The following CUX1 variants were observed in gnomAD, a reference collection of about 807,000 sequenced individuals.
CUX1 encodes the protein cut like homeobox 1.
A neutral mutation model predicts 158.8 loss-of-function variants in CUX1; 31 were observed. The observed-to-expected ratio is 0.20, with a 90% confidence interval of 0.15 to 0.26. The LOEUF (loss-of-function observed/expected upper bound fraction) is 0.26, where lower values mean the gene tolerates loss of function less well. Ranked by LOEUF, CUX1 falls within the 10% of genes least tolerant of loss-of-function variation. The pLI is 1.00. For missense variants in CUX1, 1,589 were observed against 2,014.6 expected (o/e 0.79, Z 4.04); for synonymous variants, 879 against 862.1 (o/e 1.02, Z -0.34).
chr7:101,836,684 CA>C (rs71755816), intron 1 of CUX1, among the ~76,000 whole-genome samples: 1,449 of 77,798 alleles, frequency 0.019, 12 homozygotes, highest in Non-Finnish European at 0.026. Flanking sequence ...GACTCCTTCT[CA>C]AAAAAAAAAA....
At position 102,227,533 on chromosome 7, in the gene CUX1, C is replaced by A. The variant is rs1554529039; in HGVS notation, c.3297C>A (p.Asp1099Glu). ...AGCCCAGTGACCCGCCAGCATCCGA[C>A]TCCCAGCCCACAACCCCGCTGCCTC... ...PPEPSDPPAS[D>E]SQPTTPLPLS... The change falls in exon 21 of 24, where the codon GAC (aspartate) becomes GAA (glutamate). Residue 1099 changes from aspartate (D) to glutamate (E), a missense_variant. Physicochemically the swap from Asp to Glu is conservative, Grantham distance 45. Around this residue, in one of 8 missense-constraint regions of CUX1, gnomAD observed 259 missense variants for 373.8 expected, o/e 0.69. Transcript: ENST00000292535. The A allele has an allele frequency of 6.2e-7, 1 of 1,614,180 alleles. No homozygotes were observed. Among genetic ancestry groups the A allele is most frequent in the Admixed American group, 1.7e-5 (1 of 60,016 alleles).
chr7:102,024,419 G>A (rs550755676), intron 2 of CUX1, among the ~76,000 whole-genome samples: 1 of 152,154 alleles, frequency 6.6e-6, no homozygotes, highest in South Asian at 2.1e-4. Context: ...CTCTGCCTCC[G>A]CGGTTTAAGC....
intron 8 of CUX1, among the ~76,000 whole-genome samples, chr7:102,144,188 C>A (rs932148408): frequency 6.6e-6 from 1 of 152,178 alleles, no homozygotes; most frequent in East Asian, 1.9e-4. Context: ...TTGCTTATCA[C>A]CTTGTTTCAT....
chr7:102,003,243 G>A (rs773373647), intron 2 of CUX1, among the ~76,000 whole-genome samples: 2 of 150,962 alleles, frequency 1.3e-5, no homozygotes, highest in South Asian at 4.2e-4. Flanking sequence ...CAAGGGGCGG[G>A]GGTCTCTGGC....
intron 3 of CUX1, among the ~76,000 whole-genome samples, chr7:102,030,691 G>GTTTTTTTTTTTTTGTTTTTTGTTT (rs71119801): frequency 0.026 from 3,074 of 119,224 alleles, 185 homozygotes; most frequent in African/African-American, 0.091. Flanking sequence ...TTTAAAAAGT[G>GTTTTTTTTTTTTTGTTTTTTGTTT]TTTTTTTTTT....
At chr7:102,205,523 TGGGGTCATGTC>T (rs1795862144) in intron 20 of CUX1, among the ~76,000 whole-genome samples, 1 of 152,002 alleles carries the variant, frequency 6.6e-6, no homozygotes, top group Non-Finnish European at 1.5e-5. Flanking sequence ...CCTCTCCTGG[TGGGGTCATGTC>T]GGGGGACTTC....
At position 102,274,121 on chromosome 7, in the gene CUX1, C is replaced by A. The variant is rs1554547001; in HGVS notation, c.1384-123C>A. ...CGGGCCCTCCTGCAGCCAGCCTGCA[C>A]CCCGGATGGCCCCACCCACTCCTTG... On this transcript the variant is annotated intron_variant, in intron 15 of 22. Coordinates refer to the CUX1 transcript ENST00000292538. 9 of 902,422 alleles carry A rather than the reference C, an allele frequency of 1.0e-5. 1 individual carries two copies. In the Middle Eastern group the frequency reaches 9.8e-4, roughly 98 times the overall value. The allele number at this position is 902,422 out of a possible 1,614,324, so 55.9% of individuals were successfully genotyped here. A position where few individuals can be genotyped will look rare whatever the true frequency, so the allele number is the denominator to read the frequency against.
intron 1 of CUX1, among the ~76,000 whole-genome samples, chr7:101,912,418 A>G (rs1013733701): frequency 2.0e-5 from 3 of 152,116 alleles, no homozygotes; most frequent in African/African-American, 7.2e-5. Context: ...ACAGACCGTA[A>G]CGCAGAGGCT....
At chr7:101,876,441 A>C (rs1333096639) in intron 1 of CUX1, among the ~76,000 whole-genome samples, 2 of 152,056 alleles carry the variant, frequency 1.3e-5, no homozygotes, top group Non-Finnish European at 2.9e-5. Flanking sequence ...TCATGCCTGT[A>C]ATCCCAGCAG....
chr7:102,216,003 A>G (rs912484621), intron 20 of CUX1, among the ~76,000 whole-genome samples: 3 of 152,166 alleles, frequency 2.0e-5, no homozygotes, highest in Non-Finnish European at 4.4e-5. Context: ...CGGAAAGAAA[A>G]CAACATTTAA....
At chr7:102,095,439 A>G (rs3810771) in intron 4 of CUX1, among the ~76,000 whole-genome samples, 1 of 152,326 alleles carries the variant, frequency 6.6e-6, no homozygotes, top group East Asian at 1.9e-4. Flanking sequence ...AGTGCCCAGC[A>G]GCCAGGGATT....
At chr7:101,889,900 T>C (rs1800682211) in intron 1 of CUX1, among the ~76,000 whole-genome samples, 1 of 152,232 alleles carries the variant, frequency 6.6e-6, no homozygotes, top group Non-Finnish European at 1.5e-5. Flanking sequence ...GTTGAAACTC[T>C]CTCGCGATCC....
intron 2 of CUX1, among the ~76,000 whole-genome samples, chr7:101,939,426 C>A (rs1216925574): frequency 6.6e-6 from 1 of 152,024 alleles, no homozygotes; most frequent in Non-Finnish European, 1.5e-5. Context: ...AACATCCAGT[C>A]CCCTGGGCCA....
intron 20 of CUX1, among the ~76,000 whole-genome samples, chr7:102,216,612 ACACT>A (rs1386945060): frequency 7.5e-5 from 4 of 53,402 alleles, no homozygotes; most frequent in African/African-American, 2.6e-4. Context: ...ACACACACAC[ACACT>A]CCCCACACAC....
At chr7:101,861,976 A>G (rs908565301) in intron 1 of CUX1, among the ~76,000 whole-genome samples, 26 of 152,046 alleles carry the variant, frequency 1.7e-4, no homozygotes, top group Non-Finnish European at 2.6e-4. Context: ...CTGGGATTAC[A>G]GGCGCCTGCC....
chr7:102,250,909 C>G lies in CUX1; in HGVS notation c.*1867C>G. On this transcript the variant is annotated 3_prime_UTR_variant, in exon 24 of 24. Coordinates refer to ENST00000292535, the MANE Select transcript of CUX1 (RefSeq NM_181552.4). ...ATCAGTTACGGCTTCTACAAGTTTG[C>G]TAATTTAGACTTCTTTATTGCCATA... The G allele has an allele frequency of 1.0e-6, 1 of 984,862 alleles. No individual in the cohort carries two copies. Among genetic ancestry groups the G allele is most frequent in the African/African-American group, 1.7e-5 (1 of 57,294 alleles). 61.0% of individuals were successfully genotyped at this position (984,862 alleles called of 1,614,324 possible). A position where few individuals can be genotyped will look rare whatever the true frequency, so the allele number is the denominator to read the frequency against.
Position 102,234,107 on chromosome 7 carries a change from C to A in CUX1, c.3489C>A (p.Asp1163Glu). 1.9e-6 allele frequency: 3 copies of A among 1,596,550 alleles called. No homozygotes were observed. Among genetic ancestry groups the A allele is most frequent in the African/African-American group, 1.4e-5 (1 of 73,948 alleles). Residue 1163 changes from aspartate to glutamate, a missense_variant, in exon 22 of 24, where the codon GAC becomes GAA. By Grantham distance (45) the Asp-to-Glu change is conservative. Transcript: ENST00000292535. Reference protein sequence around the residue: ...ILGLTQGSVSDLLARPKPWHK... With the variant: ...ILGLTQGSVSELLARPKPWHK... ...GGCTCACCCAAGGCTCTGTCTCTGA[C>A]CTCCTTGCCCGCCCCAAACCCTGGC...
chr7:101,913,980 A>T (rs1563001303), intron 1 of CUX1, among the ~76,000 whole-genome samples: 1 of 151,672 alleles, frequency 6.6e-6, no homozygotes, highest in Non-Finnish European at 1.5e-5. Flanking sequence ...TATATTTTTG[A>T]AGAGCCTTCT....
At chr7:101,880,197 A>T (rs1179171570) in intron 1 of CUX1, among the ~76,000 whole-genome samples, 1 of 152,126 alleles carries the variant, frequency 6.6e-6, no homozygotes, top group African/African-American at 2.4e-5. Context: ...AAAAAACAAA[A>T]AACTCCGAGG....
Sources: allele counts gnomAD v4.1 joint callset (sites outside exome capture counted in the v4.1 genomes callset), GRCh38; gene constraint gnomAD v4.1.1; regional missense constraint gnomAD v4.1.1; transcripts MANE v1.5; gene names NCBI Gene and HGNC (gene_info 2026-07-23, HGNC 2026-07-21).